SND1: variants seen among roughly 807,000 people sequenced by gnomAD.
SND1 encodes the protein staphylococcal nuclease and tudor domain containing 1.
In SND1, 38 loss-of-function variants were observed where a neutral mutation model predicts 121.7. That is an observed-to-expected ratio of 0.31 (90% confidence interval 0.24 to 0.41). SND1 has a LOEUF of 0.41. SND1 is among the 10% of genes least tolerant of loss of function. SND1 has a pLI of 1.00. For synonymous variants in SND1, 401 were observed against 447.4 expected (o/e 0.90, Z 1.31); for missense variants, 868 against 1,184.6 (o/e 0.73, Z 3.92).
At chr7:127,758,618 A>G (rs1228638486) in intron 10 of SND1, among the ~76,000 whole-genome samples, 2 of 152,186 alleles carry the variant, frequency 1.3e-5, no homozygotes, top group Non-Finnish European at 2.9e-5. Flanking sequence ...AGCATTTACT[A>G]CTACCTGATC....
In SND1 at chr7:127,975,834, T is replaced by G. The variant is rs146392976; in HGVS notation, c.1670-15113T>G. ...TACCCCGTTCTTCTCTCTGCTCCAC[T>G]CCACTCTGACACCCCCACAGAGGTG... is the stretch of plus-strand genomic sequence containing the variant. On this transcript the variant is annotated intron_variant, in intron 15 of 23. Transcript: ENST00000354725. Among the ~76,000 whole-genome samples the G allele has an allele frequency of 2.0e-5, 3 of 152,280 alleles. No individual in the cohort carries two copies. In the East Asian group the frequency reaches 5.8e-4, roughly 29 times the overall value.
chr7:127,652,410 G>C lies in SND1; in HGVS notation c.37G>C (p.Gly13Arg). 4 of 1,569,918 alleles carry C rather than the reference G, an allele frequency of 2.5e-6. No individual in the cohort carries two copies. The highest frequency in any genetic ancestry group is 2.4e-5 in the South Asian group (2 of 82,802). Residue 13 changes from glycine to arginine, a missense_variant, in exon 1 of 24, where the codon GGA becomes CGA. Transcript: ENST00000354725. ...SSAQSGGSSG[G>R]PAVPTVQRGI... The stretch of plus-strand genomic sequence containing the variant: ...CGCGCAGAGCGGCGGCTCCTCCGGG[G>C]GACCCGCGGTCCCCACCGTGCAGCG...
intron 15 of SND1, among the ~76,000 whole-genome samples, chr7:127,971,839 C>T (rs1388728252): frequency 6.8e-6 from 1 of 146,780 alleles, no homozygotes; most frequent in East Asian, 2.0e-4. Context: ...GTGGTGCGAT[C>T]TCAGCTCACT....
At chr7:128,028,745 G>C in intron 16 of SND1, 1 of 1,614,110 alleles carries the variant, frequency 6.2e-7, no homozygotes, top group South Asian at 1.1e-5. Context: ...CAGAGATAGT[G>C]GTGACTGTGG....
intron 10 of SND1, among the ~76,000 whole-genome samples, chr7:127,795,927 G>A (rs972982759): frequency 2.0e-5 from 3 of 151,698 alleles, no homozygotes; most frequent in South Asian, 2.1e-4. Context: ...GCGTGATCTC[G>A]GTTCACTGCA....
At chr7:127,892,656 C>T (rs1326807858) in intron 13 of SND1, among the ~76,000 whole-genome samples, 1 of 152,084 alleles carries the variant, frequency 6.6e-6, no homozygotes, top group Admixed American at 6.6e-5. Context: ...GCCTCATTAC[C>T]TTATGTCCTA....
chr7:128,038,993 C>T (rs189631565), intron 16 of SND1, among the ~76,000 whole-genome samples: 1 of 152,308 alleles, frequency 6.6e-6, no homozygotes, highest in African/African-American at 2.4e-5. Flanking sequence ...CTTCCCATGG[C>T]CCACAGGCCC....
chr7:127,820,548 A>G (rs2116603377), intron 11 of SND1, among the ~76,000 whole-genome samples: 1 of 152,330 alleles, frequency 6.6e-6, no homozygotes, highest in South Asian at 2.1e-4. Context: ...TGGTAATAAG[A>G]TCACTAAGTC....
intron 20 of SND1, chr7:128,086,728 TC>T: frequency 1.6e-6 from 1 of 607,684 alleles, no homozygotes. Flanking sequence ...CAGAGTGAGC[TC>T]CCCATCTACT....
Position 128,089,498 on chromosome 7 carries a change from C to T in SND1, c.2428C>T (p.Arg810Cys), listed in dbSNP as rs1220750861. The change falls in exon 22 of 24, where the codon CGC becomes TGC. Residue 810 changes from arginine (R) to cysteine (C), a missense_variant. This residue lies in a region of SND1 where 743 missense variants were observed against 1,071.3 expected (regional missense o/e 0.69). Coordinates refer to ENST00000354725, the MANE Select transcript of SND1 (RefSeq NM_014390.4). ...FIQVPQDDDA[R>C]TDAVDSVVRD... ...TGTGTCTCTGCTCCAGGATGATGCC[C>T]GCACGGACGCCGTGGACAGCGTAGT... 3 of 1,612,264 alleles carry T rather than the reference C, an allele frequency of 1.9e-6. No individual in the cohort carries two copies. Among genetic ancestry groups the T allele is most frequent in the Admixed American group, 1.7e-5 (1 of 59,964 alleles).
At chr7:127,838,583 A>C (rs535575473) in intron 11 of SND1, among the ~76,000 whole-genome samples, 1 of 152,358 alleles carries the variant, frequency 6.6e-6, no homozygotes, top group Admixed American at 6.5e-5. Context: ...AATAACTGGT[A>C]GCTGCAAAAT....
chr7:128,000,134 A>C (rs931858581), intron 16 of SND1: 3 of 151,738 alleles, frequency 2.0e-5, no homozygotes, highest in African/African-American at 7.3e-5. Flanking sequence ...AAAGGGCTGA[A>C]GAAAAGCAGC....
At chr7:127,697,862 AT>A (rs2116331383) in intron 3 of SND1, among the ~76,000 whole-genome samples, 1 of 152,216 alleles carries the variant, frequency 6.6e-6, no homozygotes, top group South Asian at 2.1e-4. Flanking sequence ...GAATTTTATT[AT>A]TTGCTGACAT....
intron 13 of SND1, among the ~76,000 whole-genome samples, chr7:127,899,057 G>A (rs533104778): frequency 2.0e-5 from 3 of 152,056 alleles, no homozygotes. Context: ...CATTTGTTCA[G>A]CTTTACTTGG....
intron 10 of SND1, among the ~76,000 whole-genome samples, chr7:127,803,746 C>T (rs1240824046): frequency 6.6e-6 from 1 of 152,076 alleles, no homozygotes; most frequent in Non-Finnish European, 1.5e-5. Flanking sequence ...GAACATTGGC[C>T]AGACTCCCAA....
chr7:127,711,513 T>G (rs1324669911), intron 9 of SND1, among the ~76,000 whole-genome samples: 1 of 152,148 alleles, frequency 6.6e-6, no homozygotes, highest in Non-Finnish European at 1.5e-5. Context: ...TATATTTTTT[T>G]CTTTCTGAAA....
intron 16 of SND1, among the ~76,000 whole-genome samples, chr7:128,026,027 AAAG>A (rs1044833963): frequency 4.6e-5 from 7 of 152,102 alleles, no homozygotes; most frequent in African/African-American, 1.7e-4. Flanking sequence ...AAAAAAAAAA[AAAG>A]AAGGGTGTTA....
At chr7:127,677,147 CAAT>C (rs1251409318) in intron 1 of SND1, among the ~76,000 whole-genome samples, 1 of 152,216 alleles carries the variant, frequency 6.6e-6, no homozygotes. Context: ...CTTGTAACAA[CAAT>C]GTTGGCTATA....
chr7:127,700,031 T>C (rs1269649164), intron 4 of SND1, among the ~76,000 whole-genome samples: 1 of 152,182 alleles, frequency 6.6e-6, no homozygotes, highest in African/African-American at 2.4e-5. Flanking sequence ...AAGATACTTG[T>C]TTTGGTGGTG....
Sources: allele counts gnomAD v4.1 joint callset (sites outside exome capture counted in the v4.1 genomes callset), GRCh38; gene constraint gnomAD v4.1.1; regional missense constraint gnomAD v4.1.1; transcripts MANE v1.5; gene names NCBI Gene and HGNC (gene_info 2026-07-23, HGNC 2026-07-21).